TANC2: variants seen among roughly 807,000 people sequenced by gnomAD.
The protein encoded by TANC2 is protein TANC2.
Under a neutral mutation model 210.5 loss-of-function variants are expected in TANC2, and 26 were observed. The observed-to-expected ratio is 0.12, with a 90% CI of 0.09 to 0.17. The LOEUF (loss-of-function observed/expected upper bound fraction) is 0.17. Ranked by LOEUF, TANC2 falls within the 10% of genes least tolerant of loss-of-function variation. The pLI, the probability that TANC2 is intolerant of heterozygous loss-of-function variation, is 1.00. For synonymous variants in TANC2, 931 were observed against 967.1 expected (o/e 0.96, Z 0.69); for missense variants, 2,129 against 2,608.9 (o/e 0.82, Z 4.01).
rs769685607 is a variant in TANC2, at chr17:63,421,663, C to T, written c.5933C>T (p.Pro1978Leu). 1.9e-6 allele frequency: 3 copies of T among 1,614,044 alleles called. No homozygotes were observed. Among genetic ancestry groups the T allele is most frequent in the Non-Finnish European group, 2.5e-6 (3 of 1,179,884 alleles). Residue 1978 changes from proline (P) to leucine (L), a missense_variant, in exon 28 of 28, where the codon CCA becomes CTA. Pro to Leu is a moderately conservative substitution (Grantham distance 98). This residue lies in a region of TANC2 where 161 missense variants were observed against 178.6 expected (regional missense o/e 0.90). Coordinates refer to ENST00000689528, the Ensembl canonical transcript of TANC2. This position sits in a 1 kb window ranked among gnomAD's most constrained non-coding sequence, Gnocchi z 6.9. Reference sequence around the variant, plus strand: ...CCTCAGCCTGAGTCCTTCAGTCCACCATCATCCATCAGCAACATTGCCTTT... The same window carrying T: ...CCTCAGCCTGAGTCCTTCAGTCCACTATCATCCATCAGCAACATTGCCTTT...
intron 5 of TANC2, among the ~76,000 whole-genome samples, chr17:63,162,935 C>T (rs59898449): frequency 0.058 from 8,775 of 151,806 alleles, 381 homozygotes; most frequent in African/African-American, 0.12. Flanking sequence ...TTAGCAGACA[C>T]GTTTAACTGT....
intron 7 of TANC2, among the ~76,000 whole-genome samples, chr17:63,203,187 C>T (rs1465072042): frequency 2.6e-5 from 4 of 152,112 alleles, no homozygotes; most frequent in African/African-American, 4.8e-5. Flanking sequence ...TCCCTTTTCT[C>T]GTTCTTTGTT....
chr17:63,412,580 C>T lies in TANC2; in HGVS notation c.3899-100C>T. Reference sequence around the variant, plus strand: ...TGGCTGATATGCTGGCTTTGTGCTGCCTGCCTCTCACTGCTGCTTTTTCCT... The same window carrying T: ...TGGCTGATATGCTGGCTTTGTGCTGTCTGCCTCTCACTGCTGCTTTTTCCT... On this transcript the variant is annotated intron_variant, in intron 23 of 27. Coordinates refer to ENST00000689528, the Ensembl canonical transcript of TANC2. This position sits in a 1 kb window ranked among gnomAD's most constrained non-coding sequence, Gnocchi z 4.2. 1 of 1,157,714 alleles carries T rather than the reference C, an allele frequency of 8.6e-7. No individual in the cohort carries two copies. Among genetic ancestry groups the T allele is most frequent in the Non-Finnish European group, 1.2e-6 (1 of 807,882 alleles). 71.7% of individuals were successfully genotyped at this position (1,157,714 alleles called of 1,614,324 possible).
intron 2 of TANC2, among the ~76,000 whole-genome samples, chr17:63,041,704 A>G (rs926562066): frequency 3.9e-5 from 6 of 152,190 alleles, no homozygotes; most frequent in African/African-American, 1.4e-4. Flanking sequence ...AAAGAGTTTT[A>G]TGTTAACTGA....
intron 1 of TANC2, chr17:62,978,515 G>A (rs538638270): frequency 2.0e-5 from 3 of 152,320 alleles, no homozygotes; most frequent in South Asian, 4.2e-4. Context: ...CCTTGACCTC[G>A]TTACTGGCCA....
At position 63,418,550 on chromosome 17, in the gene TANC2, C is replaced by G. The variant is rs2048934592; in HGVS notation, c.4268+143C>G. Reference sequence around the variant, plus strand: ...CAGGGCCAAGCTTTGGGGATGGCTCCCATAGCACAGCCCTCAGCTCAAGAT... The same window carrying G: ...CAGGGCCAAGCTTTGGGGATGGCTCGCATAGCACAGCCCTCAGCTCAAGAT... On this transcript the variant is annotated intron_variant, in intron 27 of 27. Coordinates refer to ENST00000689528, the Ensembl canonical transcript of TANC2. The surrounding 1 kb of genome is among the most constrained non-coding windows in gnomAD (Gnocchi z 4.6). 2 of 705,802 alleles carry G rather than the reference C, an allele frequency of 2.8e-6. No homozygotes were observed. The highest frequency in any genetic ancestry group is 4.7e-6 in the Non-Finnish European group (2 of 428,056). The allele number at this position is 705,802 out of a possible 1,614,324, so 43.7% of individuals were successfully genotyped here. A position where few individuals can be genotyped will look rare whatever the true frequency, so the allele number is the denominator to read the frequency against.
chr17:63,322,573 G>A (rs886184000), intron 11 of TANC2, among the ~76,000 whole-genome samples: 5 of 152,192 alleles, frequency 3.3e-5, no homozygotes, highest in African/African-American at 1.2e-4. Context: ...CAGTTATTCA[G>A]TCATTCAGTT....
intron 14 of TANC2, among the ~76,000 whole-genome samples, chr17:63,358,350 A>T (rs559745151): frequency 7.1e-6 from 1 of 141,492 alleles, no homozygotes; most frequent in South Asian, 2.3e-4. Flanking sequence ...AGGTGAGTAG[A>T]GTGAGAGAGA....
exon 28 of TANC2, chr17:63,425,048 A>G (rs2049110854): frequency 6.6e-6 from 1 of 152,254 alleles, no homozygotes; most frequent in Admixed American, 6.5e-5. Flanking sequence ...TACAAAGTAA[A>G]GGGAAAACCT....
At position 63,420,706 on chromosome 17, in the gene TANC2, G is replaced by T. The variant is rs774310780; in HGVS notation, c.4976G>T (p.Gly1659Val). 1.7e-5 allele frequency: 27 copies of T among 1,613,764 alleles called. No homozygotes were observed. The South Asian group carries it at 2.7e-4, about 16-fold the overall frequency. Reference sequence around the variant, plus strand: ...GAAACAAGCGTCAGTCAGCTTCCTGGCAGACCCAAATCTCCATTATCCAAA... The same window carrying T: ...GAAACAAGCGTCAGTCAGCTTCCTGTCAGACCCAAATCTCCATTATCCAAA... The change falls in exon 28 of 28, where the codon GGC becomes GTC. Residue 1659 changes from glycine (G) to valine (V), a missense_variant. Transcript: ENST00000689528. This position sits in a 1 kb window ranked among gnomAD's most constrained non-coding sequence, Gnocchi z 4.2.
At chr17:63,058,369 A>G (rs145253647) in intron 2 of TANC2, among the ~76,000 whole-genome samples, 34 of 152,098 alleles carry the variant, frequency 2.2e-4, no homozygotes, top group African/African-American at 7.5e-4. Context: ...CATTATTTAG[A>G]TTGTCTATTT....
chr17:63,084,859 C>A (rs1451666170), intron 3 of TANC2, among the ~76,000 whole-genome samples: 1 of 152,022 alleles, frequency 6.6e-6, no homozygotes, highest in Admixed American at 6.6e-5. Flanking sequence ...GATTTCTATT[C>A]TTTTGAGTTT....
chr17:63,360,889 C>T (rs896916366), intron 14 of TANC2, among the ~76,000 whole-genome samples: 4 of 152,282 alleles, frequency 2.6e-5, no homozygotes, highest in East Asian at 1.9e-4. Context: ...AGTGAGAACA[C>T]GCAATGTCTG....
chr17:63,285,372 CTT>C (rs1470320117), intron 9 of TANC2, among the ~76,000 whole-genome samples: 1 of 151,958 alleles, frequency 6.6e-6, no homozygotes, highest in African/African-American at 2.4e-5. Flanking sequence ...TAGCTGTACT[CTT>C]TGTTATTGTT....
intron 2 of TANC2, among the ~76,000 whole-genome samples, chr17:63,052,585 G>C (rs1598319731): frequency 3.9e-5 from 6 of 152,246 alleles, no homozygotes; most frequent in Admixed American, 3.9e-4. Flanking sequence ...GATATAAGGG[G>C]TTAGCAAACT....
chr17:63,257,419 G>A (rs935278383), intron 8 of TANC2, among the ~76,000 whole-genome samples: 8 of 151,998 alleles, frequency 5.3e-5, no homozygotes, highest in South Asian at 4.1e-4. Context: ...GTGCAGTGGC[G>A]TGTTCTTAGC....
At chr17:62,991,395 T>G (rs2032854853) in intron 1 of TANC2, among the ~76,000 whole-genome samples, 1 of 151,886 alleles carries the variant, frequency 6.6e-6, no homozygotes, top group Non-Finnish European at 1.5e-5. Flanking sequence ...TCCCAGCACT[T>G]TGGGAGGCCA....
intron 8 of TANC2, among the ~76,000 whole-genome samples, chr17:63,262,398 C>T (rs1415958744): frequency 1.3e-5 from 2 of 152,100 alleles, no homozygotes; most frequent in African/African-American, 4.8e-5. Context: ...TTTGATGCCC[C>T]GGCTGGTCTT....
chr17:63,177,088 A>G (rs993614240), intron 5 of TANC2, among the ~76,000 whole-genome samples: 2 of 151,168 alleles, frequency 1.3e-5, no homozygotes, highest in Admixed American at 1.3e-4. Context: ...ACATGGTGAA[A>G]CCCCATCTCT....
Sources: allele counts gnomAD v4.1 joint callset (sites outside exome capture counted in the v4.1 genomes callset), GRCh38; gene constraint gnomAD v4.1.1; regional missense constraint gnomAD v4.1.1; non-coding constraint Gnocchi (gnomAD v3.1); transcripts MANE v1.5; gene names NCBI Gene and HGNC (gene_info 2026-07-23, HGNC 2026-07-21).